The following NXPE2 variants were observed in gnomAD, a reference collection of about 807,000 sequenced individuals.
NXPE2 encodes the protein NXPE family member 2.
A neutral mutation model predicts 34.4 loss-of-function variants in NXPE2; 34 were observed. The ratio of observed to expected loss-of-function variants is 0.99; its 90% CI spans 0.75 to 1.31. The LOEUF is 1.31. NXPE2 is among the 40% of genes most tolerant of loss of function. The probability of loss-of-function intolerance (pLI) is 0.00; values close to 1 mark genes in which losing one functional copy is unlikely to be tolerated. For missense variants in NXPE2, 649 were observed against 672.5 expected (o/e 0.97, Z 0.39); for synonymous variants, 235 against 231.3 (o/e 1.02, Z -0.15).
chr11:114,552,824 C>A, the NXPE2 span: 19 of 933,240 alleles, frequency 2.0e-5, no homozygotes, highest in Non-Finnish European at 2.4e-5. Context: ...GATCTTTAAA[C>A]TTATTCTGTA....
the NXPE2 span, chr11:114,581,672 C>T: frequency 6.5e-6 from 9 of 1,379,848 alleles, no homozygotes; most frequent in African/African-American, 1.3e-4. Context: ...AAGAAGAAAC[C>T]CTTTAAATGG....
the NXPE2 span, among the ~76,000 whole-genome samples, chr11:114,805,226 T>C: frequency 1.3e-5 from 2 of 149,396 alleles, no homozygotes; most frequent in Non-Finnish European, 3.0e-5. Context: ...GGGAGGGAGA[T>C]AGGAACAGCT....
the NXPE2 span, among the ~76,000 whole-genome samples, chr11:114,656,419 G>A: frequency 4.6e-5 from 7 of 152,042 alleles, no homozygotes; most frequent in African/African-American, 1.4e-4. Flanking sequence ...CACAGAATTA[G>A]AAAAAACTAT....
the NXPE2 span, chr11:114,529,194 C>A: frequency 1.1e-5 from 2 of 178,358 alleles, no homozygotes; most frequent in African/African-American, 2.3e-5. Context: ...AAAAATAAAT[C>A]TTCGTGGGGG....
At chr11:114,476,234 G>T in the NXPE2 span, among the ~76,000 whole-genome samples, 3 of 152,138 alleles carry the variant, frequency 2.0e-5, no homozygotes, top group Non-Finnish European at 4.4e-5. Context: ...TATGTGTAAA[G>T]ACTTTACTTA....
the NXPE2 span, among the ~76,000 whole-genome samples, chr11:114,524,922 C>T: frequency 2.6e-5 from 4 of 152,064 alleles, no homozygotes; most frequent in African/African-American, 9.7e-5. Flanking sequence ...ATTTTAGATG[C>T]TAATCTGCTA....
the NXPE2 span, among the ~76,000 whole-genome samples, chr11:114,541,155 C>CA: frequency 6.6e-6 from 1 of 152,112 alleles, no homozygotes; most frequent in South Asian, 2.1e-4. Flanking sequence ...CCTGCCATAG[C>CA]AAAAACATCG....
the NXPE2 span, among the ~76,000 whole-genome samples, chr11:114,567,425 G>T: frequency 6.6e-6 from 1 of 151,916 alleles, no homozygotes; most frequent in Admixed American, 6.6e-5. Context: ...GAAAACCAAC[G>T]ATCTCTGCTT....
chr11:114,648,040 A>G, the NXPE2 span, among the ~76,000 whole-genome samples: 1 of 152,110 alleles, frequency 6.6e-6, no homozygotes, highest in African/African-American at 2.4e-5. Flanking sequence ...AGTTTTGTTA[A>G]TATTCCCTGT....
the NXPE2 span, among the ~76,000 whole-genome samples, chr11:114,523,589 A>T: frequency 1.3e-5 from 2 of 152,206 alleles, no homozygotes; most frequent in Admixed American, 1.3e-4. Context: ...TAGCTTGACA[A>T]TTTTTTGTAA....
chr11:114,535,422 C>T, the NXPE2 span, among the ~76,000 whole-genome samples: 1 of 152,180 alleles, frequency 6.6e-6, no homozygotes, highest in Non-Finnish European at 1.5e-5. Flanking sequence ...ATCAAATTCA[C>T]ACATAACAAT....
chr11:114,575,027 G>T, the NXPE2 span, among the ~76,000 whole-genome samples: 2 of 152,048 alleles, frequency 1.3e-5, no homozygotes, highest in Non-Finnish European at 1.5e-5. Flanking sequence ...GGGACGCAGG[G>T]ATGGCTTAAC....
intron 2 of NXPE2, among the ~76,000 whole-genome samples, chr11:114,680,334 C>T (rs1348295139): frequency 6.6e-6 from 1 of 152,034 alleles, no homozygotes; most frequent in Non-Finnish European, 1.5e-5. Context: ...CATTCGAGGC[C>T]CGTTTACATT....
At chr11:114,696,786 C>T (rs1229803852) in intron 2 of NXPE2, among the ~76,000 whole-genome samples, 2 of 152,122 alleles carry the variant, frequency 1.3e-5, no homozygotes, top group African/African-American at 4.8e-5. Flanking sequence ...ATGTGTCTAC[C>T]TGAAACCCCT....
the NXPE2 span, among the ~76,000 whole-genome samples, chr11:114,729,789 C>T: frequency 6.6e-6 from 1 of 152,016 alleles, no homozygotes; most frequent in African/African-American, 2.4e-5. Context: ...ACGTTTCCTA[C>T]AGATTCTCGA....
chr11:114,530,767 C>G, the NXPE2 span: 13 of 1,614,074 alleles, frequency 8.1e-6, no homozygotes, highest in Non-Finnish European at 1.1e-5. Context: ...ATCTGCTGAT[C>G]TAGTTTCTCT....
At chr11:114,474,685 A>C in the NXPE2 span, among the ~76,000 whole-genome samples, 1 of 152,216 alleles carries the variant, frequency 6.6e-6, no homozygotes, top group African/African-American at 2.4e-5. Context: ...ATATTAAAAA[A>C]AGAAGCTTTG....
chr11:114,738,974 C>G, the NXPE2 span, among the ~76,000 whole-genome samples: 1 of 152,124 alleles, frequency 6.6e-6, no homozygotes, highest in Admixed American at 6.5e-5. Context: ...GACATTACAA[C>G]TTACTACTGA....
At chr11:114,544,668 A>T in the NXPE2 span, among the ~76,000 whole-genome samples, 1 of 152,298 alleles carries the variant, frequency 6.6e-6, no homozygotes, top group East Asian at 1.9e-4. Flanking sequence ...GCTGTTGATG[A>T]GGTTTTAGAA....
Sources: gnomAD v4.1 joint callset for allele counts (sites outside exome capture counted in the v4.1 genomes callset) on GRCh38, gnomAD v4.1.1 for gene constraint, MANE v1.5 for transcripts, NCBI Gene and HGNC (gene_info 2026-07-23, HGNC 2026-07-21) for gene names.